The following CFTR variants were observed in gnomAD, a reference collection of about 807,000 sequenced individuals.
The protein encoded by CFTR is cystic fibrosis transmembrane conductance regulator.
A neutral mutation model predicts 171.6 loss-of-function variants in CFTR; 181 were observed. The ratio of observed to expected loss-of-function variants is 1.05; its 90% CI spans 0.93 to 1.19. The LOEUF (loss-of-function observed/expected upper bound fraction) is 1.19, where lower values mean the gene tolerates loss of function less well. Among genes scored for constraint, CFTR ranks in the 50% most tolerant of loss-of-function variants. The pLI is 0.00. For missense variants in CFTR, 1,968 were observed against 1,734.7 expected (o/e 1.13, Z -2.39); for synonymous variants, 583 against 608.0 (o/e 0.96, Z 0.60).
chr7:117,602,989 A>T, intron 16 of CFTR, 126 bp downstream of exon 16: 1 of 958,696 alleles, frequency 1.0e-6, no homozygotes, highest in Non-Finnish European at 1.7e-6. Flanking sequence ...ATGGTAGTGG[A>T]AAGATAAGGT....
At chr7:117,649,087 A>C (rs897154746) in intron 23 of CFTR, among the ~76,000 whole-genome samples, 4 of 151,928 alleles carry the variant, frequency 2.6e-5, no homozygotes, top group Admixed American at 2.0e-4. Flanking sequence ...AGCTAAATTT[A>C]ATATATATCA....
chr7:117,532,918 C>T (rs752802452), intron 4 of CFTR, among the ~76,000 whole-genome samples: 2 of 152,118 alleles, frequency 1.3e-5, no homozygotes, highest in South Asian at 2.1e-4. Flanking sequence ...CCATATCTGA[C>T]CTGTTTTGTC....
chr7:117,511,324 A>G (rs1798514678), intron 3 of CFTR, among the ~76,000 whole-genome samples: 1 of 152,206 alleles, frequency 6.6e-6, no homozygotes, highest in Non-Finnish European at 1.5e-5. Context: ...CCTATAGACA[A>G]AAAAAGGGAT....
intron 22 of CFTR, among the ~76,000 whole-genome samples, chr7:117,630,788 C>A (rs34567454): frequency 0.036 from 5,463 of 152,026 alleles, 136 homozygotes; most frequent in African/African-American, 0.045. Flanking sequence ...AGGGGTGGTT[C>A]GGAGATTCTC....
intron 11 of CFTR, among the ~76,000 whole-genome samples, chr7:117,571,843 TAA>T (rs1234908940): frequency 6.6e-6 from 1 of 152,106 alleles, no homozygotes; most frequent in African/African-American, 2.4e-5. Flanking sequence ...AACTGAATAT[TAA>T]GTGTTTGATA....
At chr7:117,642,316 A>T in intron 22 of CFTR, 122 bp from the exon 23 acceptor site, 1 of 990,972 alleles carries the variant, frequency 1.0e-6, no homozygotes, top group Non-Finnish European at 1.6e-6. Flanking sequence ...AATAAGTGAA[A>T]ATCTTCCACT....
intron 11 of CFTR, 97 bp downstream of exon 11, chr7:117,559,752 T>C: frequency 1.2e-6 from 1 of 810,314 alleles, no homozygotes; most frequent in South Asian, 1.5e-5. Flanking sequence ...TTAGTCTACA[T>C]ATATTTATGT....
At chr7:117,498,026 G>T (rs1270582470) in intron 1 of CFTR, among the ~76,000 whole-genome samples, 2 of 152,082 alleles carry the variant, frequency 1.3e-5, no homozygotes, top group Non-Finnish European at 2.9e-5. Context: ...GAAATGGGTA[G>T]ATCAATTTTC....
At chr7:117,507,778 A>G (rs908000846) in intron 2 of CFTR, among the ~76,000 whole-genome samples, 2 of 152,030 alleles carry the variant, frequency 1.3e-5, no homozygotes, top group African/African-American at 2.4e-5. Context: ...TTACTCCTTT[A>G]TGTTTTTTGT....
At chr7:117,599,336 C>A (rs945468166) in intron 15 of CFTR, among the ~76,000 whole-genome samples, 2 of 152,002 alleles carry the variant, frequency 1.3e-5, no homozygotes, top group Non-Finnish European at 2.9e-5. Flanking sequence ...TCATGCAGCT[C>A]CATGGAGTTG....
intron 24 of CFTR, among the ~76,000 whole-genome samples, chr7:117,662,688 T>A (rs895704800): frequency 1.3e-5 from 2 of 152,166 alleles, no homozygotes; most frequent in Non-Finnish European, 2.9e-5. Context: ...TATGGTGGAC[T>A]TGCAATTTGA....
chr7:117,591,605 T>C (rs544828728), intron 13 of CFTR, among the ~76,000 whole-genome samples: 4 of 152,234 alleles, frequency 2.6e-5, no homozygotes, highest in Middle Eastern at 3.4e-3. Flanking sequence ...GATCATCTAA[T>C]AATTTCCTCA....
At chr7:117,511,977 C>G (rs1485842229) in intron 3 of CFTR, among the ~76,000 whole-genome samples, 1 of 152,074 alleles carries the variant, frequency 6.6e-6, no homozygotes, top group Non-Finnish European at 1.5e-5. Flanking sequence ...TCTTTTCTTT[C>G]ACTGAGCAAG....
intron 13 of CFTR, 62 bp from the exon 14 acceptor site, chr7:117,591,872 A>C (rs1176778514): frequency 3.8e-6 from 4 of 1,053,054 alleles, no homozygotes; most frequent in Non-Finnish European, 5.5e-6. Context: ...ATGCTAAAAT[A>C]CGAGACATAT....
At chr7:117,651,992 T>A (rs2116193434) in intron 23 of CFTR, among the ~76,000 whole-genome samples, 1 of 152,322 alleles carries the variant, frequency 6.6e-6, no homozygotes, top group Admixed American at 6.5e-5. Flanking sequence ...ATATTCTAAA[T>A]GTTAATATCA....
chr7:117,547,997 G>A (rs1044608076), intron 9 of CFTR, among the ~76,000 whole-genome samples: 1 of 152,154 alleles, frequency 6.6e-6, no homozygotes, highest in Non-Finnish European at 1.5e-5. Context: ...AGCTTCCCAC[G>A]GGGGCAATAG....
intron 2 of CFTR, among the ~76,000 whole-genome samples, chr7:117,506,997 G>T (rs1798429482): frequency 6.6e-6 from 1 of 152,214 alleles, no homozygotes; most frequent in Middle Eastern, 3.2e-3. Flanking sequence ...TTGCCAGATG[G>T]TTGAAGAACA....
intron 15 of CFTR, among the ~76,000 whole-genome samples, chr7:117,597,520 A>T (rs957156106): frequency 6.6e-6 from 1 of 152,210 alleles, no homozygotes; most frequent in Non-Finnish European, 1.5e-5. Flanking sequence ...AAAAAAGTCC[A>T]TGCGTAATCT....
Position 117,555,485 on chromosome 7 carries a change from T to G in CFTR, c.1393-3979T>G, listed in dbSNP as rs369459581. ...CTAATCATCTCCGTGTGAGCAGTTC[T>G]CTCTCCAGTAAATTGCATATTGCAG... On this transcript the variant is annotated intron_variant, in intron 10 of 26. Coordinates refer to ENST00000003084, the MANE Select transcript of CFTR (RefSeq NM_000492.4). 3.9e-5 allele frequency among the ~76,000 whole-genome samples: 6 copies of G among 152,222 alleles called. No homozygotes were observed. The East Asian group carries it at 1.2e-3, about 29-fold the overall frequency.
Sources: allele counts gnomAD v4.1 joint callset (sites outside exome capture counted in the v4.1 genomes callset), GRCh38; gene constraint gnomAD v4.1.1; transcripts MANE v1.5; gene names NCBI Gene and HGNC (gene_info 2026-07-23, HGNC 2026-07-21).